CACNA2D3: variants seen among roughly 807,000 people sequenced by gnomAD.
CACNA2D3 encodes the protein calcium voltage-gated channel auxiliary subunit alpha2delta 3.
Under a neutral mutation model 160.6 loss-of-function variants are expected in CACNA2D3, and 60 were observed. The observed-to-expected ratio is 0.37, with a 90% CI of 0.30 to 0.46. The LOEUF (loss-of-function observed/expected upper bound fraction) is 0.46, where lower values mean the gene tolerates loss of function less well. Among genes scored for constraint, CACNA2D3 ranks in the 20% least tolerant of loss-of-function variants. The pLI, the probability that CACNA2D3 is intolerant of heterozygous loss-of-function variation, is 1.00. For synonymous variants in CACNA2D3, 558 were observed against 492.9 expected, an observed-to-expected ratio of 1.13 and a Z score of -1.75; for missense variants, 1,205 against 1,365.0, an observed-to-expected ratio of 0.88 and a Z score of 1.85.
chr3:54,797,287 T>C (rs146722743), intron 13 of CACNA2D3, among the ~76,000 whole-genome samples: 122 of 152,352 alleles, frequency 8.0e-4, no homozygotes, highest in African/African-American at 2.8e-3. Context: ...TATCTCTCTT[T>C]GTTCAGGAAT....
chr3:54,352,288 C>T (rs1193377548), intron 3 of CACNA2D3, among the ~76,000 whole-genome samples: 1 of 152,044 alleles, frequency 6.6e-6, no homozygotes, highest in Non-Finnish European at 1.5e-5. Flanking sequence ...GCACCTACTT[C>T]GTAGGATTTG....
At chr3:54,971,445 G>A (rs1702274921) in intron 29 of CACNA2D3, among the ~76,000 whole-genome samples, 1 of 152,200 alleles carries the variant, frequency 6.6e-6, no homozygotes, top group Non-Finnish European at 1.5e-5. Flanking sequence ...TACAGTAAGA[G>A]GAGTGAGGAT....
chr3:54,813,322 GA>G (rs1336382881), intron 13 of CACNA2D3, among the ~76,000 whole-genome samples: 1 of 152,116 alleles, frequency 6.6e-6, no homozygotes, highest in East Asian at 1.9e-4. Flanking sequence ...CTTTGAAGAA[GA>G]AAACATCTCC....
intron 5 of CACNA2D3, among the ~76,000 whole-genome samples, chr3:54,540,909 T>G (rs1269496876): frequency 6.6e-6 from 1 of 152,176 alleles, no homozygotes; most frequent in African/African-American, 2.4e-5. Context: ...TTTGCAGATG[T>G]AACTAGTTAA....
chr3:54,636,057 C>T (rs1381941815), intron 10 of CACNA2D3, among the ~76,000 whole-genome samples: 3 of 151,610 alleles, frequency 2.0e-5, no homozygotes, highest in Non-Finnish European at 2.9e-5. Context: ...AGGGAGGGGG[C>T]CTGAATAATC....
At chr3:54,305,321 A>C (rs1289475814) in intron 2 of CACNA2D3, among the ~76,000 whole-genome samples, 1 of 152,236 alleles carries the variant, frequency 6.6e-6, no homozygotes, top group Non-Finnish European at 1.5e-5. Flanking sequence ...GTTCCCATTA[A>C]TTCTACCCTG....
chr3:54,676,872 A>AC (rs1245941157), intron 11 of CACNA2D3, among the ~76,000 whole-genome samples: 1 of 152,030 alleles, frequency 6.6e-6, no homozygotes, highest in Non-Finnish European at 1.5e-5. Flanking sequence ...TTTAACTTTG[A>AC]CCCCCCAAAA....
intron 9 of CACNA2D3, among the ~76,000 whole-genome samples, chr3:54,620,388 A>G (rs1334739033): frequency 6.6e-6 from 1 of 152,196 alleles, no homozygotes; most frequent in African/African-American, 2.4e-5. Flanking sequence ...ATTTGAGGAT[A>G]CCTGCACTGT....
At chr3:54,745,040 A>G (rs1016990452) in intron 11 of CACNA2D3, among the ~76,000 whole-genome samples, 6 of 152,258 alleles carry the variant, frequency 3.9e-5, no homozygotes, top group Admixed American at 6.5e-5. Context: ...AATAAGGCAC[A>G]CAGACACAGA....
intron 11 of CACNA2D3, among the ~76,000 whole-genome samples, chr3:54,740,564 T>C (rs1159794126): frequency 6.6e-6 from 1 of 152,130 alleles, no homozygotes; most frequent in Non-Finnish European, 1.5e-5. Context: ...CCACAAGTCA[T>C]TCTGATCTGT....
intron 5 of CACNA2D3, among the ~76,000 whole-genome samples, chr3:54,551,777 A>G (rs1032136113): frequency 2.0e-5 from 3 of 152,210 alleles, no homozygotes; most frequent in African/African-American, 4.8e-5. Context: ...CAGTTTTGCA[A>G]CACTGGCATT....
intron 2 of CACNA2D3, among the ~76,000 whole-genome samples, chr3:54,188,374 G>T (rs567973118): frequency 1.2e-3 from 183 of 152,314 alleles, no homozygotes; most frequent in Non-Finnish European, 1.6e-3. Flanking sequence ...CATGCAACCT[G>T]TCCAGCTTCA....
chr3:55,001,148 C>T (rs988795906), intron 31 of CACNA2D3, among the ~76,000 whole-genome samples: 30 of 152,266 alleles, frequency 2.0e-4, no homozygotes, highest in African/African-American at 7.0e-4. Context: ...CATTGCCTTC[C>T]GCTAAGAAGC....
chr3:54,959,169 A>G (rs1701974420), intron 27 of CACNA2D3, among the ~76,000 whole-genome samples: 2 of 152,146 alleles, frequency 1.3e-5, no homozygotes, highest in Admixed American at 1.3e-4. Flanking sequence ...CTGTCTGTAT[A>G]TTGAGTCTCG....
intron 13 of CACNA2D3, among the ~76,000 whole-genome samples, chr3:54,808,790 C>G (rs1163410360): frequency 6.6e-6 from 1 of 152,108 alleles, no homozygotes; most frequent in Non-Finnish European, 1.5e-5. Context: ...CTTCACTAAC[C>G]CACTGTGATG....
intron 4 of CACNA2D3, among the ~76,000 whole-genome samples, chr3:54,423,867 T>G (rs1221275166): frequency 6.6e-6 from 1 of 151,678 alleles, no homozygotes; most frequent in Non-Finnish European, 1.5e-5. Context: ...GGTTTAATGC[T>G]CTTCTGTTGC....
chr3:54,736,045 ACACATACATATGTATG>A (rs1701502997), intron 11 of CACNA2D3, among the ~76,000 whole-genome samples: 4 of 44,324 alleles, frequency 9.0e-5, no homozygotes, highest in Admixed American at 6.8e-4. Context: ...GTATATATAT[ACACATACATATGTATG>A]TATATATATA....
intron 35 of CACNA2D3, among the ~76,000 whole-genome samples, chr3:55,019,110 T>TCTTTCTTTCTTTCTTTCTTTC (rs368979475): frequency 2.6e-5 from 4 of 151,534 alleles, no homozygotes; most frequent in African/African-American, 9.7e-5. Flanking sequence ...TTTCTTTCTT[T>TCTTTCTTTCTTTCTTTCTTTC]TTTTAATAAG....
At chr3:55,058,651 T>C (rs1704425882) in intron 35 of CACNA2D3, among the ~76,000 whole-genome samples, 2 of 152,278 alleles carry the variant, frequency 1.3e-5, no homozygotes, top group Non-Finnish European at 2.9e-5. Context: ...TAGAAAGTTA[T>C]TATTCCATGG....
Sources: gnomAD v4.1 joint callset for allele counts (sites outside exome capture counted in the v4.1 genomes callset) on GRCh38, gnomAD v4.1.1 for gene constraint, MANE v1.5 for transcripts, NCBI Gene and HGNC (gene_info 2026-07-23, HGNC 2026-07-21) for gene names.